Variants in HORMAD2 observed in about 807,000 individuals in gnomAD.
The protein encoded by HORMAD2 is HORMA domain containing 2.
HORMAD2 carries 45 observed loss-of-function variants against 38.8 expected under a neutral mutation model. The ratio of observed to expected loss-of-function variants is 1.16; its 90% CI spans 0.91 to 1.49. The LOEUF is 1.49. Ranked by LOEUF, HORMAD2 falls within the 40% of genes most tolerant of loss-of-function variation. The probability of loss-of-function intolerance (pLI) is 0.00; values close to 1 mark genes in which losing one functional copy is unlikely to be tolerated. For synonymous variants in HORMAD2, 126 were observed against 122.8 expected (o/e 1.03, Z -0.17); for missense variants, 338 against 367.0 (o/e 0.92, Z 0.65).
intron 5 of HORMAD2, among the ~76,000 whole-genome samples, chr22:30,107,026 A>G (rs1362181068): frequency 6.6e-6 from 1 of 152,234 alleles, no homozygotes; most frequent in African/African-American, 2.4e-5. Context: ...TGGTTAGAAC[A>G]ATGCCTGGCA....
chr22:30,187,804 G>A, the HORMAD2 span, among the ~76,000 whole-genome samples: 1 of 152,076 alleles, frequency 6.6e-6, no homozygotes, highest in East Asian at 1.9e-4. Context: ...TTTCAGCCTA[G>A]AGACATACTG....
chr22:30,133,124 T>A (rs542057681), intron 10 of HORMAD2, among the ~76,000 whole-genome samples: 2 of 152,274 alleles, frequency 1.3e-5, no homozygotes, highest in South Asian at 4.2e-4. Flanking sequence ...TCATTGAGAT[T>A]TTATTCAATT....
the HORMAD2 span, among the ~76,000 whole-genome samples, chr22:30,195,322 C>T: frequency 6.6e-6 from 1 of 152,024 alleles, no homozygotes; most frequent in African/African-American, 2.4e-5. Flanking sequence ...GATGAATGAT[C>T]CTTTCATTTC....
At chr22:30,178,805 A>C (rs1926586889), downstream of HORMAD2, among the ~76,000 whole-genome samples, 1 of 152,216 alleles carries the variant, frequency 6.6e-6, no homozygotes. Flanking sequence ...TTAAATAAAA[A>C]GTTATGTAGG....
chr22:30,133,705 C>T (rs1923444760), intron 10 of HORMAD2, among the ~76,000 whole-genome samples: 1 of 151,372 alleles, frequency 6.6e-6, no homozygotes, highest in Non-Finnish European at 1.5e-5. Context: ...TTTCTTGTCC[C>T]CCATGGTTCC....
At chr22:30,086,951 C>G (rs5763759) in intron 1 of HORMAD2, among the ~76,000 whole-genome samples, 2 of 152,066 alleles carry the variant, frequency 1.3e-5, no homozygotes, top group Non-Finnish European at 2.9e-5. Flanking sequence ...TGTGCCACTA[C>G]GCCCAGCTAA....
chr22:30,098,877 C>T lies in HORMAD2; in HGVS notation c.77C>T (p.Thr26Ile), dbSNP rs1371015286. 3.1e-6 allele frequency: 5 copies of T among 1,612,490 alleles called. No homozygotes were observed. In the African/African-American group the frequency reaches 6.7e-5, roughly 22 times the overall value. The stretch of plus-strand genomic sequence containing the variant: ...GAAACAGTTTTCCCATCCCAAATCA[C>T]TAATGAGCATGAGTCATTGAAAATG... Reference protein sequence around the residue: ...SKETVFPSQITNEHESLKMVK... With the variant: ...SKETVFPSQIINEHESLKMVK... Residue 26 changes from threonine (T) to isoleucine (I), a missense_variant, in exon 3 of 11, where the codon ACT becomes ATT. By Grantham distance (89) the Thr-to-Ile change is moderately conservative. Transcript: ENST00000336726.
intron 5 of HORMAD2, among the ~76,000 whole-genome samples, chr22:30,108,830 G>T (rs1333096514): frequency 3.3e-5 from 5 of 152,094 alleles, no homozygotes; most frequent in African/African-American, 1.2e-4. Flanking sequence ...AATCAAAATG[G>T]CCACACAGTG....
chr22:30,118,046 G>GCT (rs1196879008), intron 7 of HORMAD2, among the ~76,000 whole-genome samples: 1 of 152,046 alleles, frequency 6.6e-6, no homozygotes, highest in Non-Finnish European at 1.5e-5. Context: ...ACTCTTAATT[G>GCT]CTCTCATGGT....
chr22:30,162,480 G>T (rs1467748187), intron 10 of HORMAD2, among the ~76,000 whole-genome samples: 1 of 151,964 alleles, frequency 6.6e-6, no homozygotes, highest in African/African-American at 2.4e-5. Context: ...AAAAAAGAAC[G>T]TAAAATATCT....
intron 1 of HORMAD2, among the ~76,000 whole-genome samples, chr22:30,086,086 C>T (rs2068565722): frequency 6.6e-6 from 1 of 152,128 alleles, no homozygotes; most frequent in South Asian, 2.1e-4. Flanking sequence ...TTCCCACTTG[C>T]TGTTCTTGTA....
At chr22:30,080,402 G>C (rs566686434), upstream of HORMAD2, 1 of 152,394 alleles carries the variant, frequency 6.6e-6, no homozygotes, top group South Asian at 2.1e-4. Context: ...CGCCCAGAAA[G>C]GCCTCGTTGA....
intron 10 of HORMAD2, among the ~76,000 whole-genome samples, chr22:30,162,837 G>A (rs1925535019): frequency 6.6e-6 from 1 of 151,734 alleles, no homozygotes; most frequent in Admixed American, 6.6e-5. Context: ...AGAGTAGCTG[G>A]GATTACAGGC....
intron 10 of HORMAD2, among the ~76,000 whole-genome samples, 197 bp from the exon 11 acceptor site, chr22:30,175,866 G>A (rs1280373206): frequency 6.6e-6 from 1 of 152,136 alleles, no homozygotes; most frequent in African/African-American, 2.4e-5. Context: ...AGGGACCTCA[G>A]CTCCTGAAAC....
In HORMAD2 at chr22:30,112,541, G is replaced by T. The variant is rs946294180; in HGVS notation, c.342+19G>T. On this transcript the variant is annotated intron_variant, in intron 7 of 10. Transcript: ENST00000336726. ...ATCTGAGGTAAGAACACACACAAAC[G>T]TATAGGTGGGTAGTATATGTATATT... is the stretch of plus-strand genomic sequence containing the variant. 2.5e-6 allele frequency: 3 copies of T among 1,178,786 alleles called. No individual in the cohort carries two copies. In the African/African-American group the frequency reaches 4.9e-5, roughly 19 times the overall value. The allele number at this position is 1,178,786 out of a possible 1,614,324, so 73.0% of individuals were successfully genotyped here.
chr22:30,166,426 G>A (rs1601593705), intron 10 of HORMAD2, among the ~76,000 whole-genome samples: 1 of 152,312 alleles, frequency 6.6e-6, no homozygotes, highest in East Asian at 1.9e-4. Flanking sequence ...TAATGCAACT[G>A]AGGAAGTAAA....
chr22:30,191,918 A>G, the HORMAD2 span, among the ~76,000 whole-genome samples: 1 of 151,956 alleles, frequency 6.6e-6, no homozygotes, highest in Non-Finnish European at 1.5e-5. Flanking sequence ...TTGGTTTCCC[A>G]TCATGTAAAA....
At chr22:30,123,383 G>C (rs1268850413) in intron 10 of HORMAD2, among the ~76,000 whole-genome samples, 1 of 152,124 alleles carries the variant, frequency 6.6e-6, no homozygotes, top group African/African-American at 2.4e-5. Context: ...TGCCCAGGCT[G>C]AAGTACAGTG....
chr22:30,131,147 A>AT (rs1182321412), intron 10 of HORMAD2, among the ~76,000 whole-genome samples: 1 of 152,158 alleles, frequency 6.6e-6, no homozygotes, highest in Non-Finnish European at 1.5e-5. Context: ...AATCTTACTT[A>AT]AATTTATGCT....
Sources: gnomAD v4.1 joint callset for allele counts (sites outside exome capture counted in the v4.1 genomes callset) on GRCh38, gnomAD v4.1.1 for gene constraint, MANE v1.5 for transcripts, NCBI Gene and HGNC (gene_info 2026-07-23, HGNC 2026-07-21) for gene names.